The following CEACAM4 variants were observed in gnomAD, a reference collection of about 807,000 sequenced individuals.
CEACAM4 encodes the protein CEA cell adhesion molecule 4.
Under a neutral mutation model 28.7 loss-of-function variants are expected in CEACAM4, and 30 were observed. That is an observed-to-expected ratio of 1.05 (90% confidence interval 0.78 to 1.42). The LOEUF is 1.42. Among genes scored for constraint, CEACAM4 ranks in the 40% most tolerant of loss-of-function variants. The pLI, the probability that CEACAM4 is intolerant of heterozygous loss-of-function variation, is 0.00. For missense variants in CEACAM4, 330 were observed against 308.2 expected, an observed-to-expected ratio of 1.07 and a Z score of -0.53; for synonymous variants, 143 against 126.5, an observed-to-expected ratio of 1.13 and a Z score of -0.87.
intron 2 of CEACAM4, among the ~76,000 whole-genome samples, chr19:41,624,284 G>A (rs527789666): frequency 3.3e-5 from 5 of 152,084 alleles, no homozygotes; most frequent in Non-Finnish European, 5.9e-5. Flanking sequence ...AGAGAACTAC[G>A]GAGTATGTGT....
chr19:41,613,508 C>T, the CEACAM4 span, among the ~76,000 whole-genome samples: 1 of 151,772 alleles, frequency 6.6e-6, no homozygotes, highest in African/African-American at 2.4e-5. Context: ...CACACACACA[C>T]ACACACACAC....
At chr19:41,619,499 T>C in intron 6 of CEACAM4, 104 bp from the exon 7 acceptor site, 1 of 1,576,448 alleles carries the variant, frequency 6.3e-7, no homozygotes, top group Non-Finnish European at 8.6e-7. Context: ...GGGCTGAACC[T>C]GGCTGTGCTC....
downstream of CEACAM4, among the ~76,000 whole-genome samples, chr19:41,618,753 G>A (rs770356889): frequency 6.6e-6 from 1 of 152,190 alleles, no homozygotes; most frequent in African/African-American, 2.4e-5. Context: ...GACCCAGGCT[G>A]GGGCTGTGCA....
At chr19:41,615,093 A>G (rs975227314), downstream of CEACAM4, among the ~76,000 whole-genome samples, 1 of 152,070 alleles carries the variant, frequency 6.6e-6, no homozygotes, top group Non-Finnish European at 1.5e-5. Flanking sequence ...GACGGAAGAC[A>G]TGGGGAGCAG....
intron 6 of CEACAM4, 117 bp downstream of exon 6, chr19:41,619,553 C>T (rs1555800202): frequency 1.9e-6 from 3 of 1,544,482 alleles, no homozygotes; most frequent in Non-Finnish European, 2.6e-6. Flanking sequence ...TGCTCACCAC[C>T]ACCTGTTCTC....
In CEACAM4 at chr19:41,619,311, G is replaced by C. The variant is rs782332804; in HGVS notation, c.*19C>G. On this transcript the variant is annotated 3_prime_UTR_variant, in exon 7 of 7. Transcript: ENST00000221954. The stretch of plus-strand genomic sequence containing the variant: ...TCGGGGACGCTCCATCAACCCACAA[G>C]AGCAGCTCCCAGAGGAACCTAAGAG... The C allele has an allele frequency of 6.2e-7, 1 of 1,610,406 alleles. No individual in the cohort carries two copies. The highest frequency in any genetic ancestry group is 1.1e-5 in the South Asian group (1 of 91,008).
rs1568662003 is a variant in CEACAM4, at chr19:41,625,964, GGAGGTGAA to G, written c.65-12_65-5del. Reference sequence around the variant, plus strand: ...TGCCAGAAGGTTAAAAGTGAGGCTAGGAGGTGAAGACAGCATCAGTCAATACTGGGACC... The same window carrying G: ...TGCCAGAAGGTTAAAAGTGAGGCTAGGACAGCATCAGTCAATACTGGGACC... On this transcript the variant is annotated splice_region_variant and splice_polypyrimidine_tract_variant and intron_variant, in intron 1 of 6. Coordinates refer to ENST00000221954, the MANE Select transcript of CEACAM4 (RefSeq NM_001817.4). 6.2e-7 allele frequency: 1 copy of G among 1,604,222 alleles called. No individual in the cohort carries two copies. The highest frequency in any genetic ancestry group is 2.2e-5 in the East Asian group (1 of 44,804).
At chr19:41,620,314 G>A (rs2071192414) in intron 4 of CEACAM4, 72 bp from the exon 5 acceptor site, 5 of 1,303,114 alleles carry the variant, frequency 3.8e-6, no homozygotes, top group South Asian at 3.4e-5. Context: ...AGAGTGTAGG[G>A]GTCCTCAGCT....
chr19:41,622,254 T>G (rs908937606), intron 2 of CEACAM4, among the ~76,000 whole-genome samples: 18 of 152,150 alleles, frequency 1.2e-4, no homozygotes, highest in Middle Eastern at 6.8e-3. Flanking sequence ...ATTTTTATAT[T>G]TTTAGTAGAG....
At chr19:41,613,877 T>C in the CEACAM4 span, among the ~76,000 whole-genome samples, 829 of 152,310 alleles carry the variant, frequency 5.4e-3, 7 homozygotes, top group African/African-American at 0.019. Context: ...TGAGCCCTGC[T>C]TCTGGTATGA....
chr19:41,619,536 C>T (rs1180592603), intron 6 of CEACAM4, 134 bp downstream of exon 6: 1 of 1,541,206 alleles, frequency 6.5e-7, no homozygotes, highest in Admixed American at 2.0e-5. Context: ...CAGGCCCCTC[C>T]CTCCTCTGCT....
chr19:41,621,592 C>T, intron 3 of CEACAM4, 59 bp downstream of exon 3: 2 of 934,202 alleles, frequency 2.1e-6, no homozygotes, highest in South Asian at 1.4e-5. Flanking sequence ...CGGGGTCTCC[C>T]TCCTCCCTGA....
chr19:41,625,770 G>A lies in CEACAM4; in HGVS notation c.255C>T (p.Asp85=). Residue 85 remains aspartate, a synonymous_variant, in exon 2 of 7, where the codon GAC becomes GAT. Coordinates refer to ENST00000221954, the MANE Select transcript of CEACAM4 (RefSeq NM_001817.4). ...CGGCCCCTGGGATATTTGCTTGAAT[G>A]TCTGTTATATAACCAGCAATGAGAG... ...GSPLIAGYIT[D]IQANIPGAAY... 1.9e-6 allele frequency: 3 copies of A among 1,613,972 alleles called. No homozygotes were observed. The highest frequency in any genetic ancestry group is 1.3e-5 in the African/African-American group (1 of 74,986).
chr19:41,622,894 A>T (rs545623093), intron 2 of CEACAM4, among the ~76,000 whole-genome samples: 1 of 126,910 alleles, frequency 7.9e-6, no homozygotes, highest in African/African-American at 3.6e-5. Flanking sequence ...AGATAGATAG[A>T]TAGATATAGT....
intron 2 of CEACAM4, among the ~76,000 whole-genome samples, chr19:41,624,179 C>T (rs962725380): frequency 2.6e-5 from 4 of 152,080 alleles, no homozygotes; most frequent in Non-Finnish European, 2.9e-5. Flanking sequence ...GTGTGTCTCA[C>T]GTTGGGCCCA....
In CEACAM4 at chr19:41,620,614, G is replaced by T. The variant is rs782706599; in HGVS notation, c.556C>A (p.Arg186Ser). The T allele has an allele frequency of 5.0e-6, 8 of 1,612,612 alleles. No homozygotes were observed. The East Asian group carries it at 1.6e-4, about 31-fold the overall frequency. The change falls in exon 4 of 7, where the codon CGT (arginine) becomes AGT (serine). Residue 186 changes from arginine (R) to serine (S), a missense_variant. Coordinates refer to ENST00000221954, the MANE Select transcript of CEACAM4 (RefSeq NM_001817.4). ...GGGGGCGGCTGCTCCCTGAGGTCAC[G>T]CTGGATGCTGGCCCTAGGAAAGGTC... ...LSRTGRASIQ[R>S]DLREQPPPAS...
At chr19:41,624,832 A>G (rs547528856) in intron 2 of CEACAM4, among the ~76,000 whole-genome samples, 5 of 152,300 alleles carry the variant, frequency 3.3e-5, no homozygotes, top group Admixed American at 6.5e-5. Flanking sequence ...TCTGACATGA[A>G]GCTTGGCACA....
Position 41,626,905 on chromosome 19 carries a change from A to G in CEACAM4, c.59T>C (p.Ile20Thr), listed in dbSNP as rs782077685. Reference protein sequence around the residue: ...GGHRPWQGLLITASLLTFWHP... With the variant: ...GGHRPWQGLLTTASLLTFWHP... ...CCAGAGAGTCCTCCCCTCACCTGTGATCAGGAGCCCCTGCCAGGGCCTGTG... is the reference window on the plus strand; with the variant it reads ...CCAGAGAGTCCTCCCCTCACCTGTGGTCAGGAGCCCCTGCCAGGGCCTGTG... The change falls in exon 1 of 7, where the codon ATC (isoleucine) becomes ACC (threonine). Residue 20 changes from isoleucine (I) to threonine (T), a missense_variant. Coordinates refer to ENST00000221954, the MANE Select transcript of CEACAM4 (RefSeq NM_001817.4). 3 of 1,610,596 alleles carry G rather than the reference A, an allele frequency of 1.9e-6. No individual in the cohort carries two copies. The highest frequency in any genetic ancestry group is 1.7e-6 in the Non-Finnish European group (2 of 1,178,210).
chr19:41,620,112 G>A (rs782322839), intron 5 of CEACAM4, 99 bp downstream of exon 5: 7 of 1,104,192 alleles, frequency 6.3e-6, no homozygotes, highest in South Asian at 1.7e-5. Flanking sequence ...TCTGGGGAAA[G>A]GTGGGTCAGT....
Sources: allele counts gnomAD v4.1 joint callset (sites outside exome capture counted in the v4.1 genomes callset), GRCh38; gene constraint gnomAD v4.1.1; transcripts MANE v1.5; gene names NCBI Gene and HGNC (gene_info 2026-07-23, HGNC 2026-07-21).